Variants in PTPRO observed in about 807,000 individuals in gnomAD.
PTPRO encodes the protein receptor-type tyrosine-protein phosphatase O.
PTPRO carries 62 observed loss-of-function variants against 145.2 expected under a neutral mutation model. The ratio of observed to expected loss-of-function variants is 0.43; its 90% CI spans 0.35 to 0.53. The LOEUF (loss-of-function observed/expected upper bound fraction) is 0.53. Ranked by LOEUF, PTPRO falls within the 20% of genes least tolerant of loss-of-function variation. The pLI is 0.01. For synonymous variants in PTPRO, 565 were observed against 514.7 expected (o/e 1.10, Z -1.32); for missense variants, 1,345 against 1,482.7 (o/e 0.91, Z 1.53).
At chr12:15,444,904 C>T (rs887801781) in intron 1 of PTPRO, among the ~76,000 whole-genome samples, 8 of 152,120 alleles carry the variant, frequency 5.3e-5, no homozygotes, top group Non-Finnish European at 1.2e-4. Flanking sequence ...TCACACTGGC[C>T]TTATTCCACA....
intron 12 of PTPRO, among the ~76,000 whole-genome samples, chr12:15,545,761 C>T (rs1943271954): frequency 6.6e-6 from 1 of 152,108 alleles, no homozygotes; most frequent in African/African-American, 2.4e-5. Context: ...CAGCCAGGCA[C>T]GGTGGCTCAC....
chr12:15,564,030 T>C (rs536514896), intron 17 of PTPRO, among the ~76,000 whole-genome samples: 3 of 152,252 alleles, frequency 2.0e-5, no homozygotes, highest in South Asian at 4.1e-4. Flanking sequence ...GGTTCCCAAA[T>C]GCCTATAAGA....
chr12:15,364,862 C>T (rs1938314442), intron 1 of PTPRO, among the ~76,000 whole-genome samples: 1 of 152,170 alleles, frequency 6.6e-6, no homozygotes, highest in African/African-American at 2.4e-5. Context: ...AAGCATGCTT[C>T]TTGAAGAAAT....
chr12:15,539,761 C>CAAAAAAAAAAAA (rs56061735), intron 12 of PTPRO, among the ~76,000 whole-genome samples: 1 of 52,484 alleles, frequency 1.9e-5, no homozygotes, highest in East Asian at 7.5e-4. Flanking sequence ...GACTCTGTCT[C>CAAAAAAAAAAAA]AAAAAAAAAA....
At chr12:15,439,873 C>T (rs562853373) in intron 1 of PTPRO, 32 of 640,708 alleles carry the variant, frequency 5.0e-5, no homozygotes, top group Middle Eastern at 7.7e-4. Context: ...AGCAGACCCA[C>T]GTCGGCCAGC....
At chr12:15,450,093 T>C (rs537721778) in intron 1 of PTPRO, among the ~76,000 whole-genome samples, 6 of 152,334 alleles carry the variant, frequency 3.9e-5, no homozygotes, top group African/African-American at 1.2e-4. Flanking sequence ...TCTATGTTCA[T>C]GTCTTATGGC....
chr12:15,462,343 C>T (rs562302258), intron 1 of PTPRO, among the ~76,000 whole-genome samples: 5 of 152,078 alleles, frequency 3.3e-5, no homozygotes, highest in Non-Finnish European at 7.4e-5. Context: ...CCAGGCTGGT[C>T]TCAAACTCCT....
chr12:15,568,169 C>G (rs1591748050), intron 18 of PTPRO, among the ~76,000 whole-genome samples: 1 of 152,152 alleles, frequency 6.6e-6, no homozygotes, highest in Admixed American at 6.6e-5. Context: ...GTGGCTCACA[C>G]CTGTAATCCC....
intron 17 of PTPRO, among the ~76,000 whole-genome samples, chr12:15,561,771 A>T (rs1325667830): frequency 4.6e-5 from 7 of 152,136 alleles, no homozygotes; most frequent in Non-Finnish European, 1.0e-4. Flanking sequence ...AATACCCATA[A>T]AGTATCCCAG....
At chr12:15,500,650 G>T (rs997338701) in intron 4 of PTPRO, among the ~76,000 whole-genome samples, 1 of 152,150 alleles carries the variant, frequency 6.6e-6, no homozygotes, top group Non-Finnish European at 1.5e-5. Context: ...GGCCTAGCAC[G>T]GTGGCTCATG....
chr12:15,562,690 T>G (rs1298370721), intron 17 of PTPRO, among the ~76,000 whole-genome samples: 2 of 152,076 alleles, frequency 1.3e-5, no homozygotes, highest in East Asian at 3.9e-4. Flanking sequence ...TGTTTCCTAT[T>G]GAAAGAAATC....
At chr12:15,531,748 A>C (rs1424024706) in intron 12 of PTPRO, among the ~76,000 whole-genome samples, 1 of 152,220 alleles carries the variant, frequency 6.6e-6, no homozygotes, top group Non-Finnish European at 1.5e-5. Context: ...TGTAATTTTC[A>C]CAGCAGAGAT....
At chr12:15,370,834 C>G (rs1039004064) in intron 1 of PTPRO, among the ~76,000 whole-genome samples, 1 of 151,914 alleles carries the variant, frequency 6.6e-6, no homozygotes. Flanking sequence ...GCAATTGTAC[C>G]TATGAAAAAA....
chr12:15,480,776 C>T (rs950806134), intron 1 of PTPRO, among the ~76,000 whole-genome samples: 18 of 151,406 alleles, frequency 1.2e-4, no homozygotes, highest in African/African-American at 4.4e-4. Flanking sequence ...CATGGATGGA[C>T]GGACGGACGG....
At chr12:15,547,573 T>C (rs1943327814) in intron 13 of PTPRO, among the ~76,000 whole-genome samples, 1 of 152,228 alleles carries the variant, frequency 6.6e-6, no homozygotes. Flanking sequence ...TTTGCTTTGA[T>C]TCCTTTCTCC....
At chr12:15,539,706 G>A (rs368756618) in intron 12 of PTPRO, among the ~76,000 whole-genome samples, 87 of 136,188 alleles carry the variant, frequency 6.4e-4, no homozygotes, top group African/African-American at 2.1e-3. Context: ...AGGTCGCTGT[G>A]AGCTGAGATT....
chr12:15,560,378 G>A (rs1943743187), intron 17 of PTPRO, 102 bp downstream of exon 17: 2 of 860,420 alleles, frequency 2.3e-6, no homozygotes, highest in East Asian at 5.0e-5. Context: ...TGTATGTTCA[G>A]TAACATCTAA....
At chr12:15,349,065 C>A (rs1937703116) in intron 1 of PTPRO, among the ~76,000 whole-genome samples, 1 of 151,964 alleles carries the variant, frequency 6.6e-6, no homozygotes, top group African/African-American at 2.4e-5. Context: ...GTCTGACCTG[C>A]AAAACAGATT....
At chr12:15,546,033 A>G (rs1199428742) in intron 12 of PTPRO, among the ~76,000 whole-genome samples, 8 of 151,872 alleles carry the variant, frequency 5.3e-5, no homozygotes, top group South Asian at 2.1e-4. Flanking sequence ...AAAAAAAATG[A>G]TACTATCTGT....
Sources: gnomAD v4.1 joint callset for allele counts (sites outside exome capture counted in the v4.1 genomes callset) on GRCh38, gnomAD v4.1.1 for gene constraint, MANE v1.5 for transcripts, NCBI Gene and HGNC (gene_info 2026-07-23, HGNC 2026-07-21) for gene names.